Variants in PPFIBP2 observed in about 807,000 individuals in gnomAD.
PPFIBP2 encodes the protein PPFIB scaffold protein 2.
PPFIBP2 carries 118 observed loss-of-function variants against 118.3 expected under a neutral mutation model. The ratio of observed to expected loss-of-function variants is 1.00; its 90% confidence interval spans 0.86 to 1.16. The LOEUF (loss-of-function observed/expected upper bound fraction) is 1.16, where lower values mean the gene tolerates loss of function less well. Among genes scored for constraint, PPFIBP2 ranks in the 50% most tolerant of loss-of-function variants. The pLI is 0.00. For missense variants in PPFIBP2, 1,195 were observed against 1,073.1 expected, an observed-to-expected ratio of 1.11 and a Z score of -1.59; for synonymous variants, 414 against 397.4, an observed-to-expected ratio of 1.04 and a Z score of -0.50.
intron 5 of PPFIBP2, among the ~76,000 whole-genome samples, chr11:7,607,227 T>A (rs1300104159): frequency 7.0e-6 from 1 of 142,952 alleles, no homozygotes; most frequent in African/African-American, 2.5e-5. Flanking sequence ...TTTTTTTTTT[T>A]AAGACAGGGT....
chr11:7,596,954 A>G (rs1330289328), intron 4 of PPFIBP2, among the ~76,000 whole-genome samples: 1 of 152,170 alleles, frequency 6.6e-6, no homozygotes, highest in Admixed American at 6.5e-5. Context: ...CTGCCACCGT[A>G]TGTGTAATGT....
intron 1 of PPFIBP2, among the ~76,000 whole-genome samples, chr11:7,522,020 T>G (rs4757997): frequency 0.73 from 111,562 of 152,000 alleles, 41,833 homozygotes; most frequent in African/African-American, 0.84. Flanking sequence ...GACATTAAAG[T>G]TTCCATACTC....
At chr11:7,602,870 T>C (rs1846842030) in intron 5 of PPFIBP2, among the ~76,000 whole-genome samples, 1 of 152,198 alleles carries the variant, frequency 6.6e-6, no homozygotes, top group South Asian at 2.1e-4. Flanking sequence ...TATTTGCTAT[T>C]GATCTGGGAA....
At chr11:7,643,854 A>G (rs575183326) in intron 17 of PPFIBP2, among the ~76,000 whole-genome samples, 1 of 152,290 alleles carries the variant, frequency 6.6e-6, no homozygotes, top group South Asian at 2.1e-4. Flanking sequence ...AACATTGTGT[A>G]GGCACTCTCT....
In PPFIBP2 at chr11:7,610,372, G is replaced by T. The variant is rs372412124; in HGVS notation, c.568G>T (p.Gly190Cys). The change falls in exon 6 of 24, where the codon GGC becomes TGC. Residue 190 changes from glycine (G) to cysteine (C), a missense_variant. Coordinates refer to ENST00000299492, the MANE Select transcript of PPFIBP2 (RefSeq NM_003621.5). ...GTCTGAGCTGAAGCTCAAGCTGGTT[G>T]GCATGGAGAAGGAGCAGAGAGAGCA... ...EVSELKLKLV[G>C]MEKEQREQEE... 7 of 1,614,032 alleles carry T rather than the reference G, an allele frequency of 4.3e-6. No individual in the cohort carries two copies. The highest frequency in any genetic ancestry group is 5.9e-6 in the Non-Finnish European group (7 of 1,180,038).
intron 1 of PPFIBP2, among the ~76,000 whole-genome samples, chr11:7,517,224 G>A (rs1371712443): frequency 6.6e-6 from 1 of 152,134 alleles, no homozygotes; most frequent in Non-Finnish European, 1.5e-5. Flanking sequence ...CTGTTGTCCG[G>A]CTGCTAGAGT....
intron 1 of PPFIBP2, among the ~76,000 whole-genome samples, chr11:7,527,347 A>G (rs1850321113): frequency 6.6e-6 from 1 of 152,030 alleles, no homozygotes; most frequent in South Asian, 2.1e-4. Context: ...CAAGAATGGT[A>G]GGAAGAGTGG....
chr11:7,577,891 T>C (rs575668112), intron 3 of PPFIBP2, among the ~76,000 whole-genome samples: 2 of 152,316 alleles, frequency 1.3e-5, no homozygotes, highest in South Asian at 4.1e-4. Flanking sequence ...GTGAGGAAAG[T>C]TGGTTATTTT....
At chr11:7,654,179 C>T (rs565398059), downstream of PPFIBP2, among the ~76,000 whole-genome samples, 1 of 152,224 alleles carries the variant, frequency 6.6e-6, no homozygotes, top group Non-Finnish European at 1.5e-5. Context: ...TAGCTAGGCT[C>T]ATAACCATGG....
intron 1 of PPFIBP2, among the ~76,000 whole-genome samples, chr11:7,524,103 TGTGTGTGTGTCTGTGTGTGTCTGTGC>T: frequency 6.6e-6 from 1 of 151,890 alleles, no homozygotes; most frequent in South Asian, 2.1e-4. Context: ...TTGACAACTC[TGTGTGTGTGTCTGTGTGTGTCTGTGC>T]GTGTGTGTGT....
chr11:7,653,007 C>G lies in PPFIBP2; in HGVS notation c.2437-17C>G, dbSNP rs117115375. On this transcript the variant is annotated splice_polypyrimidine_tract_variant and intron_variant, in intron 23 of 23. Transcript: ENST00000299492. ...CCTTGATTGCCTTCTCATAATCTTGCATTTTCTGTGTTTTAGCCAAGGAAA... is the reference window on the plus strand; with the variant it reads ...CCTTGATTGCCTTCTCATAATCTTGGATTTTCTGTGTTTTAGCCAAGGAAA... 22,699 of 1,597,310 alleles carry G rather than the reference C, an allele frequency of 0.014. 204 individuals are homozygous for G. The highest frequency in any genetic ancestry group is 0.039 in the Admixed American group (2,293 of 58,786).
At chr11:7,657,106 C>T (rs144241749), downstream of PPFIBP2, 346 of 244,156 alleles carry the variant, frequency 1.4e-3, 4 homozygotes, top group African/African-American at 7.2e-3. Flanking sequence ...CTCGATGGCT[C>T]GTGATATTCC....
chr11:7,575,420 G>A (rs1244930154), intron 3 of PPFIBP2, among the ~76,000 whole-genome samples: 2 of 152,170 alleles, frequency 1.3e-5, no homozygotes, highest in Non-Finnish European at 2.9e-5. Context: ...GATGAGAGCA[G>A]CCACATTGGC....
At position 7,642,257 on chromosome 11, in the gene PPFIBP2, G is replaced by A. The variant is rs1357970009; in HGVS notation, c.1518-41G>A. The A allele has an allele frequency of 2.5e-6, 4 of 1,608,932 alleles. No individual in the cohort carries two copies. The Admixed American group carries it at 6.7e-5, about 27-fold the overall frequency. On this transcript the variant is annotated intron_variant, in intron 16 of 23. Transcript: ENST00000299492. Reference sequence around the variant, plus strand: ...GAAGCACAGTGACTGTAGGCTTTCTGACTATTCCATGACCGTCTCCATGGA... The same window carrying A: ...GAAGCACAGTGACTGTAGGCTTTCTAACTATTCCATGACCGTCTCCATGGA...
intron 23 of PPFIBP2, among the ~76,000 whole-genome samples, chr11:7,652,683 G>C (rs924814137): frequency 6.6e-6 from 1 of 152,250 alleles, no homozygotes; most frequent in Admixed American, 6.5e-5. Flanking sequence ...GCTGAGGCAA[G>C]TTCTCTGTGC....
chr11:7,560,582 T>G (rs561682036), intron 2 of PPFIBP2, among the ~76,000 whole-genome samples: 83 of 152,326 alleles, frequency 5.4e-4, no homozygotes, highest in African/African-American at 1.9e-3. Flanking sequence ...TTTTGAAAAT[T>G]AAGATGCTGC....
chr11:7,535,710 C>T (rs546393079), intron 1 of PPFIBP2, among the ~76,000 whole-genome samples: 17 of 152,184 alleles, frequency 1.1e-4, no homozygotes, highest in Non-Finnish European at 2.2e-4. Context: ...CCAGCTCATG[C>T]GTTCAGACTG....
chr11:7,663,771 C>T, the PPFIBP2 span, among the ~76,000 whole-genome samples: 1 of 152,174 alleles, frequency 6.6e-6, no homozygotes, highest in Admixed American at 6.5e-5. Context: ...GCAGTTTGAT[C>T]TCAGACTGCT....
intron 1 of PPFIBP2, among the ~76,000 whole-genome samples, chr11:7,517,946 C>T (rs897861337): frequency 1.7e-4 from 26 of 152,162 alleles, no homozygotes; most frequent in African/African-American, 5.8e-4. Context: ...AGAGGGGGCA[C>T]GGCCTGGTGG....
Sources: allele counts gnomAD v4.1 joint callset (sites outside exome capture counted in the v4.1 genomes callset), GRCh38; gene constraint gnomAD v4.1.1; transcripts MANE v1.5; gene names NCBI Gene and HGNC (gene_info 2026-07-23, HGNC 2026-07-21).